ICE1: variants seen among roughly 807,000 people sequenced by gnomAD.
ICE1 encodes interactor of little elongation complex ELL subunit 1, also known as little elongation complex subunit 1.
A neutral mutation model predicts 192.7 loss-of-function variants in ICE1; 64 were observed. The ratio of observed to expected loss-of-function variants is 0.33; its 90% confidence interval spans 0.27 to 0.41. The LOEUF is 0.41. Ranked by LOEUF, ICE1 falls within the 10% of genes least tolerant of loss-of-function variation. The pLI, the probability that ICE1 is intolerant of heterozygous loss-of-function variation, is 1.00. For synonymous variants in ICE1, 1,010 were observed against 984.5 expected, an observed-to-expected ratio of 1.03 and a Z score of -0.49; for missense variants, 2,708 against 2,696.0, an observed-to-expected ratio of 1.00 and a Z score of -0.10.
rs780765389 is a variant in ICE1, at chr5:5,462,640, G to C, written c.3306G>C (p.Glu1102Asp). 28 of 1,613,854 alleles carry C rather than the reference G, an allele frequency of 1.7e-5. No individual in the cohort carries two copies. The Middle Eastern group carries it at 6.6e-4, about 38-fold the overall frequency. Residue 1102 changes from glutamate (E) to aspartate (D), a missense_variant, in exon 13 of 19, where the codon GAG (glutamate) becomes GAC (aspartate). Physicochemically the swap from Glu to Asp is conservative, Grantham distance 45 (BLOSUM62 2). This residue lies in a region of ICE1 where 2,366 missense variants were observed against 2,276.6 expected (regional missense o/e 1.04). Transcript: ENST00000296564. ...GTLHCYTGIR[E>D]GGDDTEVESE... ...TACATTGTTACACAGGCATTCGAGA[G>C]GGGGGAGACGACACTGAGGTAGAGA...
In ICE1 at chr5:5,460,873, G is replaced by A. The variant is rs753530370; in HGVS notation, c.1539G>A (p.Leu513=). 28 of 1,613,924 alleles carry A rather than the reference G, an allele frequency of 1.7e-5. No individual in the cohort carries two copies. Among genetic ancestry groups the A allele is most frequent in the Admixed American group, 5.0e-5 (3 of 60,014 alleles). Residue 513 remains leucine, a synonymous_variant, in exon 13 of 19, where the codon TTG becomes TTA. Transcript: ENST00000296564. ...CTCGAGGTCTATGCATTGAGAGATT[G>A]TCTGCCAGCCCTGCACAAGAGAAGG... The part of the protein sequence containing the change: ...KLTRGLCIER[L]SASPAQEKEA...
intron 10 of ICE1, among the ~76,000 whole-genome samples, chr5:5,448,904 T>C (rs555939635): frequency 3.9e-4 from 60 of 152,368 alleles, no homozygotes; most frequent in African/African-American, 1.4e-3. Context: ...TCTTTGTCTC[T>C]TGTGTATGGA....
At chr5:5,469,721 G>A (rs1002399512) in intron 15 of ICE1, among the ~76,000 whole-genome samples, 5 of 151,982 alleles carry the variant, frequency 3.3e-5, no homozygotes, top group South Asian at 2.1e-4. Context: ...GTTAGTATTT[G>A]TTAGGCTTTT....
intron 1 of ICE1, among the ~76,000 whole-genome samples, chr5:5,432,342 T>C (rs989201569): frequency 2.0e-5 from 3 of 152,256 alleles, no homozygotes; most frequent in African/African-American, 2.4e-5. Context: ...GGTTGGTCCA[T>C]GTTGTAGCAT....
In ICE1 at chr5:5,463,636, A is replaced by G; in HGVS notation, c.4302A>G (p.Pro1434=). 2 of 1,614,020 alleles carry G rather than the reference A, an allele frequency of 1.2e-6. No individual in the cohort carries two copies. Among genetic ancestry groups the G allele is most frequent in the Non-Finnish European group, 8.5e-7 (1 of 1,179,902 alleles). ...TCATCAGTGGTGTAGCTGTCTTGCC[A>G]CATGTGGACCAGGTCACACTGTGTG... is the stretch of plus-strand genomic sequence containing the variant. ...WTIISGVAVL[P]HVDQVTLCDI... is the part of the protein sequence containing the mutation. Residue 1434 remains proline, a synonymous_variant, in exon 13 of 19, where the codon CCA becomes CCG. Transcript: ENST00000296564.
chr5:5,446,397 T>C (rs1738224598), intron 7 of ICE1, among the ~76,000 whole-genome samples: 1 of 152,056 alleles, frequency 6.6e-6, no homozygotes, highest in South Asian at 2.1e-4. Flanking sequence ...CAGACTCAGG[T>C]GATTATTCCA....
intron 1 of ICE1, among the ~76,000 whole-genome samples, chr5:5,427,778 A>G (rs558590964): frequency 6.6e-6 from 1 of 152,346 alleles, no homozygotes; most frequent in African/African-American, 2.4e-5. Context: ...ATATGATGCT[A>G]TCCTGTGTTT....
At position 5,460,460 on chromosome 5, in the gene ICE1, G is replaced by C. The variant is rs1196513116; in HGVS notation, c.1126G>C (p.Asp376His). 1.3e-6 allele frequency: 2 copies of C among 1,597,110 alleles called. No homozygotes were observed. The highest frequency in any genetic ancestry group is 2.3e-5 in the South Asian group (2 of 88,640). ...GGAAACCTACTTTGGAGAATACACAGATTCCAGCGATAATGACTCAGTCCA... is the reference window on the plus strand; with the variant it reads ...GGAAACCTACTTTGGAGAATACACACATTCCAGCGATAATGACTCAGTCCA... ...APETYFGEYTDSSDNDSVQLR... is the reference protein window; with the variant it reads ...APETYFGEYTHSSDNDSVQLR... Residue 376 changes from aspartate to histidine, a missense_variant, in exon 13 of 19, where the codon GAT (aspartate) becomes CAT (histidine). Transcript: ENST00000296564.
chr5:5,489,250 G>A lies in ICE1; in HGVS notation c.6721G>A (p.Glu2241Lys), dbSNP rs1256400062. ...ISKILEAWRREASKSVPSAIV... is the reference protein window; with the variant it reads ...ISKILEAWRRKASKSVPSAIV... ...CAAGATCCTGGAAGCTTGGCGGAGA[G>A]AGGCCTCCAAAAGCGTTCCGTCTGC... The change falls in exon 19 of 19, where the codon GAG (glutamate) becomes AAG (lysine). Residue 2241 changes from glutamate (E) to lysine (K), a missense_variant. By Grantham distance (56) the Glu-to-Lys change is moderately conservative. This residue lies in a region of ICE1 where 342 missense variants were observed against 419.3 expected (regional missense o/e 0.82). Transcript: ENST00000296564. 6.2e-7 allele frequency: 1 copy of A among 1,613,804 alleles called. No homozygotes were observed. Among genetic ancestry groups the A allele is most frequent in the Non-Finnish European group, 8.5e-7 (1 of 1,179,882 alleles).
rs190267666 is a variant in ICE1, at chr5:5,433,943, A to T, written c.85-2475A>T. ...ATCACTTATGAACATAGATGAAAAA[A>T]AAAAACCTAAGTAGGATATTGGGGA... On this transcript the variant is annotated intron_variant, in intron 1 of 18. Transcript: ENST00000296564. Among the ~76,000 whole-genome samples the T allele has an allele frequency of 2.0e-5, 3 of 152,288 alleles. No homozygotes were observed. In the East Asian group the frequency reaches 5.8e-4, roughly 29 times the overall value.
chr5:5,462,936 C>T lies in ICE1; in HGVS notation c.3602C>T (p.Thr1201Ile). 2.5e-6 allele frequency: 4 copies of T among 1,610,568 alleles called. No individual in the cohort carries two copies. The highest frequency in any genetic ancestry group is 3.4e-6 in the Non-Finnish European group (4 of 1,178,318). Residue 1201 changes from threonine (T) to isoleucine (I), a missense_variant, in exon 13 of 19, where the codon ACC becomes ATC. This residue lies in a region of ICE1 where 2,366 missense variants were observed against 2,276.6 expected (regional missense o/e 1.04). Coordinates refer to ENST00000296564, the MANE Select transcript of ICE1 (RefSeq NM_015325.3). ...DSVSECSSKG[T>I]LSKEMNKELK... ...GTTTCTGAATGTTCTAGTAAAGGAACCCTAAGTAAAGAAATGAACAAAGAA... is the reference window on the plus strand; with the variant it reads ...GTTTCTGAATGTTCTAGTAAAGGAATCCTAAGTAAAGAAATGAACAAAGAA...
chr5:5,487,309 G>A (rs1739662772), intron 18 of ICE1, among the ~76,000 whole-genome samples: 1 of 152,150 alleles, frequency 6.6e-6, no homozygotes, highest in Non-Finnish European at 1.5e-5. Context: ...TATCATTTAC[G>A]TATTGCATAG....
chr5:5,453,985 T>G (rs1422722581), intron 10 of ICE1, among the ~76,000 whole-genome samples: 1 of 152,196 alleles, frequency 6.6e-6, no homozygotes, highest in Non-Finnish European at 1.5e-5. Context: ...TACCCATATG[T>G]TCATACGCAC....
At chr5:5,451,259 A>G (rs913901425) in intron 10 of ICE1, among the ~76,000 whole-genome samples, 1 of 152,228 alleles carries the variant, frequency 6.6e-6, no homozygotes, top group African/African-American at 2.4e-5. Flanking sequence ...TCTTTAAGAT[A>G]TAGCCAATTC....
At position 5,448,033 on chromosome 5, in the gene ICE1, A is replaced by T. The variant is rs1413464591; in HGVS notation, c.604+136A>T. On this transcript the variant is annotated intron_variant, in intron 10 of 18. Coordinates refer to ENST00000296564, the MANE Select transcript of ICE1 (RefSeq NM_015325.3). ...TTCGTTTTAGTAGAAGTCATATATTATTGTGTCTTCATTAGATCCAAATAT... is the reference window on the plus strand; with the variant it reads ...TTCGTTTTAGTAGAAGTCATATATTTTTGTGTCTTCATTAGATCCAAATAT... 3 of 625,652 alleles carry T rather than the reference A, an allele frequency of 4.8e-6. No individual in the cohort carries two copies. In the African/African-American group the frequency reaches 5.5e-5, roughly 12 times the overall value. The allele number at this position is 625,652 out of a possible 1,614,324, so 38.8% of individuals were successfully genotyped here.
chr5:5,483,333 G>A (rs1283967753), intron 17 of ICE1, among the ~76,000 whole-genome samples: 7 of 152,124 alleles, frequency 4.6e-5, no homozygotes, highest in African/African-American at 1.7e-4. Context: ...ACATCCTATT[G>A]AGATTTTTAC....
At chr5:5,454,837 A>G (rs1386268781) in intron 11 of ICE1, among the ~76,000 whole-genome samples, 199 bp downstream of exon 11, 3 of 152,116 alleles carry the variant, frequency 2.0e-5, no homozygotes, top group Non-Finnish European at 4.4e-5. Context: ...TTTAGCTTTC[A>G]TCAGAGAACC....
At position 5,463,056 on chromosome 5, in the gene ICE1, A is replaced by G. The variant is rs1561090280; in HGVS notation, c.3722A>G (p.Asp1241Gly). The G allele has an allele frequency of 5.0e-6, 8 of 1,613,746 alleles. No individual in the cohort carries two copies. The highest frequency in any genetic ancestry group is 1.7e-5 in the Admixed American group (1 of 59,990). ...GAAGAGTGGATTGAATCAGAGGAAG[A>G]TGATTATTCGTTAAAAAATACAAGT... ...TCEEWIESEE[D>G]DYSLKNTSQL... Residue 1241 changes from aspartate to glycine, a missense_variant, in exon 13 of 19, where the codon GAT (aspartate) becomes GGT (glycine). Asp to Gly is a moderately conservative substitution (Grantham distance 94). Transcript: ENST00000296564.
chr5:5,486,890 C>T, intron 18 of ICE1, 71 bp downstream of exon 18: 1 of 1,114,534 alleles, frequency 9.0e-7, no homozygotes. Context: ...TTTTTGGGGT[C>T]CTTGCTGTGT....
Sources: allele counts gnomAD v4.1 joint callset (sites outside exome capture counted in the v4.1 genomes callset), GRCh38; gene constraint gnomAD v4.1.1; regional missense constraint gnomAD v4.1.1; transcripts MANE v1.5; gene names NCBI Gene and HGNC (gene_info 2026-07-23, HGNC 2026-07-21).